STK31: variants seen among roughly 807,000 people sequenced by gnomAD.
STK31 encodes the protein serine/threonine kinase 31.
In STK31, 89 loss-of-function variants were observed where a neutral mutation model predicts 129.7. The observed-to-expected ratio is 0.69, with a 90% CI of 0.58 to 0.82. The LOEUF is 0.82. Among genes scored for constraint, STK31 ranks in the 40% least tolerant of loss-of-function variants. The probability of loss-of-function intolerance (pLI) is 0.00; values close to 1 mark genes in which losing one functional copy is unlikely to be tolerated. For missense variants in STK31, 1,187 were observed against 1,176.4 expected (o/e 1.01, Z -0.13); for synonymous variants, 448 against 395.3 (o/e 1.13, Z -1.58).
chr7:23,813,337 C>T (rs1020178947), intron 22 of STK31, among the ~76,000 whole-genome samples: 1 of 151,866 alleles, frequency 6.6e-6, no homozygotes, highest in African/African-American at 2.4e-5. Context: ...CATTTTATGA[C>T]CATTGCTTGA....
chr7:23,787,627 A>G (rs1407861611), intron 20 of STK31, among the ~76,000 whole-genome samples: 1 of 152,026 alleles, frequency 6.6e-6, no homozygotes, highest in Non-Finnish European at 1.5e-5. Flanking sequence ...TCCTTGTAAG[A>G]ATCTAATGCC....
chr7:23,823,015 G>T (rs1384671350), intron 23 of STK31, among the ~76,000 whole-genome samples: 1 of 152,134 alleles, frequency 6.6e-6, no homozygotes, highest in Non-Finnish European at 1.5e-5. Flanking sequence ...ATTTGGGTTG[G>T]TTTCAAGTCT....
intron 22 of STK31, among the ~76,000 whole-genome samples, chr7:23,792,426 A>T (rs1791675834): frequency 6.6e-6 from 1 of 152,204 alleles, no homozygotes; most frequent in East Asian, 1.9e-4. Context: ...AGAGTTGCAC[A>T]CTATTAAAAC....
At chr7:23,809,468 T>TA (rs1792947620) in intron 22 of STK31, among the ~76,000 whole-genome samples, 1 of 152,186 alleles carries the variant, frequency 6.6e-6, no homozygotes, top group Admixed American at 6.5e-5. Flanking sequence ...TTTGAGCACT[T>TA]ACAAATTACA....
intron 23 of STK31, among the ~76,000 whole-genome samples, chr7:23,827,386 C>T (rs1056736673): frequency 3.9e-5 from 6 of 152,154 alleles, no homozygotes; most frequent in East Asian, 1.9e-4. Flanking sequence ...CAGTTGATCG[C>T]GTCGGTTACT....
At chr7:23,772,053 A>G in intron 14 of STK31, 94 bp from the exon 15 acceptor site, 1 of 905,064 alleles carries the variant, frequency 1.1e-6, no homozygotes, top group Non-Finnish European at 1.6e-6. Flanking sequence ...CTCAGTAAAT[A>G]CTAGTTGAAT....
At position 23,779,490 on chromosome 7, in the gene STK31, A is replaced by G. The variant is rs186891444; in HGVS notation, c.1966-1929A>G. ...TCCCAGGAGGATGGGAGTTTTATCT[A>G]TAAGCCCCTGACTGGGGCTTCTATC... On this transcript the variant is annotated intron_variant, in intron 15 of 23. Transcript: ENST00000355870. Among the ~76,000 whole-genome samples the G allele has an allele frequency of 2.4e-3, 366 of 152,314 alleles. 4 individuals carry two copies. The highest frequency in any genetic ancestry group is 0.017 in the South Asian group (83 of 4,824).
At chr7:23,824,072 G>A (rs1369862689) in intron 23 of STK31, among the ~76,000 whole-genome samples, 2 of 152,162 alleles carry the variant, frequency 1.3e-5, no homozygotes, top group Non-Finnish European at 2.9e-5. Context: ...GATTGACTTG[G>A]CAATGCGGGC....
chr7:23,723,313 C>T (rs989903423), intron 4 of STK31, among the ~76,000 whole-genome samples: 6 of 152,128 alleles, frequency 3.9e-5, no homozygotes, highest in African/African-American at 9.7e-5. Context: ...ATAAGTGTCT[C>T]TATATGATTC....
At chr7:23,723,694 G>A (rs1786870046) in intron 4 of STK31, among the ~76,000 whole-genome samples, 1 of 152,150 alleles carries the variant, frequency 6.6e-6, no homozygotes, top group African/African-American at 2.4e-5. Flanking sequence ...GGAGTTGTGG[G>A]AGGAGAAGAT....
chr7:23,710,456 T>C (rs1785871199), intron 1 of STK31, 121 bp downstream of exon 1: 2 of 1,566,560 alleles, frequency 1.3e-6, no homozygotes, highest in Non-Finnish European at 1.7e-6. Flanking sequence ...TCTGTCACCT[T>C]CTAGCCGCCC....
At chr7:23,747,314 G>T (rs1192169034) in intron 8 of STK31, among the ~76,000 whole-genome samples, 3 of 152,062 alleles carry the variant, frequency 2.0e-5, no homozygotes, top group Non-Finnish European at 2.9e-5. Flanking sequence ...GTTTTGGAAG[G>T]TTATTAATGG....
chr7:23,811,984 A>G (rs1005000144), intron 22 of STK31, among the ~76,000 whole-genome samples: 1 of 152,194 alleles, frequency 6.6e-6, no homozygotes, highest in Non-Finnish European at 1.5e-5. Flanking sequence ...TAGAAAACTC[A>G]TGATGAGAAG....
At chr7:23,726,666 T>G (rs1009795771) in intron 4 of STK31, among the ~76,000 whole-genome samples, 1 of 152,046 alleles carries the variant, frequency 6.6e-6, no homozygotes, top group African/African-American at 2.4e-5. Context: ...AATTTTCTCT[T>G]TATTCTTTTA....
intron 23 of STK31, 63 bp from the exon 24 acceptor site, chr7:23,832,073 C>G (rs1794583935): frequency 8.2e-7 from 1 of 1,215,662 alleles, no homozygotes; most frequent in Non-Finnish European, 1.2e-6. Context: ...AAGTCCACTT[C>G]CTTCTTCATT....
At chr7:23,810,862 ATATT>A (rs1422611669) in intron 22 of STK31, among the ~76,000 whole-genome samples, 3 of 141,252 alleles carry the variant, frequency 2.1e-5, no homozygotes, top group Non-Finnish European at 4.6e-5. Flanking sequence ...GTATAAATAT[ATATT>A]ATATATAAAT....
intron 10 of STK31, among the ~76,000 whole-genome samples, chr7:23,757,557 A>G (rs998731929): frequency 1.3e-5 from 2 of 152,168 alleles, no homozygotes; most frequent in Non-Finnish European, 2.9e-5. Flanking sequence ...TATCTGGTGC[A>G]TTAAAGAGTA....
chr7:23,809,382 T>G (rs1050994164), intron 22 of STK31, among the ~76,000 whole-genome samples: 6 of 152,132 alleles, frequency 3.9e-5, no homozygotes, highest in African/African-American at 1.4e-4. Flanking sequence ...TTAAATCCTA[T>G]CCTCATTCTT....
At chr7:23,775,570 T>C (rs547545544) in intron 15 of STK31, among the ~76,000 whole-genome samples, 1 of 152,338 alleles carries the variant, frequency 6.6e-6, no homozygotes, top group South Asian at 2.1e-4. Flanking sequence ...TATTCCTAGA[T>C]ACCTTATTCC....
Sources: allele counts gnomAD v4.1 joint callset (sites outside exome capture counted in the v4.1 genomes callset), GRCh38; gene constraint gnomAD v4.1.1; transcripts MANE v1.5; gene names NCBI Gene and HGNC (gene_info 2026-07-23, HGNC 2026-07-21).